The following FAIM2 variants were observed in gnomAD, a reference collection of about 807,000 sequenced individuals.
FAIM2 encodes protein lifeguard 2.
FAIM2 carries 27 observed loss-of-function variants against 47.4 expected under a neutral mutation model. The observed-to-expected ratio is 0.57, with a 90% confidence interval of 0.42 to 0.78. The LOEUF (loss-of-function observed/expected upper bound fraction) is 0.78, where lower values mean the gene tolerates loss of function less well. Ranked by LOEUF, FAIM2 falls within the 30% of genes least tolerant of loss-of-function variation. The pLI, the probability that FAIM2 is intolerant of heterozygous loss-of-function variation, is 0.00. For synonymous variants in FAIM2, 156 were observed against 159.3 expected, an observed-to-expected ratio of 0.98 and a Z score of 0.16; for missense variants, 311 against 389.4, an observed-to-expected ratio of 0.80 and a Z score of 1.69.
intron 11 of FAIM2, among the ~76,000 whole-genome samples, chr12:49,871,093 G>A (rs1946699427): frequency 6.6e-6 from 1 of 152,210 alleles, no homozygotes; most frequent in African/African-American, 2.4e-5. Flanking sequence ...CCTGCTCTCA[G>A]AGGAAGGCAA....
At position 49,878,444 on chromosome 12, in the gene FAIM2, CTGAG is replaced by C. The variant is rs1363002862; in HGVS notation, c.802-7795_802-7792del. On this transcript the variant is annotated intron_variant, in intron 11 of 11. Coordinates refer to ENST00000320634, the MANE Select transcript of FAIM2 (RefSeq NM_012306.4). ...TGTGTGTATATGTGCAAGTGTGTGT[CTGAG>C]TGAATGTGTATGCATGTATGTGTGT... Among the ~76,000 whole-genome samples the C allele has an allele frequency of 3.8e-5, 4 of 104,122 alleles. 1 individual carries two copies. The highest frequency in any genetic ancestry group is 2.2e-4 in the Admixed American group (2 of 8,922). 68.3% of individuals were successfully genotyped at this position (104,122 alleles called of 152,430 possible). A position where few individuals can be genotyped will look rare whatever the true frequency, so the allele number is the denominator to read the frequency against.
At chr12:49,879,661 T>C (rs1428817950) in intron 11 of FAIM2, among the ~76,000 whole-genome samples, 1 of 149,354 alleles carries the variant, frequency 6.7e-6, no homozygotes, top group Non-Finnish European at 1.5e-5. Flanking sequence ...TGAATGTGTA[T>C]ATGTGAGTGT....
At chr12:49,887,631 G>C (rs1878234) in intron 10 of FAIM2, among the ~76,000 whole-genome samples, 192 bp from the exon 11 acceptor site, 42,581 of 151,910 alleles carry the variant, frequency 0.28, 6,864 homozygotes, top group East Asian at 0.43. Flanking sequence ...CCCGGGATAA[G>C]AGCGATCCTG....
rs1946979811 is a variant in FAIM2, at chr12:49,901,235, G to T, written c.106C>A (p.Pro36Thr). The change falls in exon 2 of 12, where the codon CCC becomes ACC. Residue 36 changes from proline (P) to threonine (T), a missense_variant. Physicochemically the swap from Pro to Thr is conservative, Grantham distance 38. Transcript: ENST00000320634. ...CCAGAGGTGGCTTCCTCATAGGAGG[G>T]TGGGGCTGAGGGCACTGCTGGAGCC... is the stretch of plus-strand genomic sequence containing the variant. ...KEAPAVPSAPPSYEEATSGEG... is the reference protein window; with the variant it reads ...KEAPAVPSAPTSYEEATSGEG... 6.2e-7 allele frequency: 1 copy of T among 1,611,610 alleles called. No homozygotes were observed. The highest frequency in any genetic ancestry group is 1.7e-5 in the Admixed American group (1 of 59,810).
chr12:49,880,533 C>T (rs1446754175), intron 11 of FAIM2, among the ~76,000 whole-genome samples: 79 of 97,790 alleles, frequency 8.1e-4, no homozygotes, highest in African/African-American at 3.0e-3. Context: ...TGTATATGTG[C>T]GTGTGTATGT....
chr12:49,900,344 G>A (rs1946973978), intron 2 of FAIM2: 1 of 548,952 alleles, frequency 1.8e-6, no homozygotes, highest in Non-Finnish European at 2.7e-6. Flanking sequence ...GAGGGGGAGG[G>A]GCTGCTGAGG....
Position 49,900,166 on chromosome 12 carries a change from C to A in FAIM2, c.211+964G>T. ...CCACAAACACCAGACCTTCATTGACCCTCCAGTAGGTCACGGTGGGGTGAG... is the reference window on the plus strand; with the variant it reads ...CCACAAACACCAGACCTTCATTGACACTCCAGTAGGTCACGGTGGGGTGAG... On this transcript the variant is annotated intron_variant, in intron 2 of 11. Coordinates refer to ENST00000320634, the MANE Select transcript of FAIM2 (RefSeq NM_012306.4). 5 of 1,281,442 alleles carry A rather than the reference C, an allele frequency of 3.9e-6. No homozygotes were observed. The South Asian group carries it at 6.2e-5, about 16-fold the overall frequency. The allele number at this position is 1,281,442 out of a possible 1,614,324, so 79.4% of individuals were successfully genotyped here. A position where few individuals can be genotyped will look rare whatever the true frequency, so the allele number is the denominator to read the frequency against.
chr12:49,873,327 T>C (rs1408003003), intron 11 of FAIM2, among the ~76,000 whole-genome samples: 2 of 152,150 alleles, frequency 1.3e-5, no homozygotes, highest in Non-Finnish European at 1.5e-5. Context: ...TGACAGTGTA[T>C]GTGGCATCCA....
chr12:49,889,239 C>G lies in FAIM2; in HGVS notation c.652-37G>C, dbSNP rs996596105. On this transcript the variant is annotated intron_variant, in intron 9 of 11. Transcript: ENST00000320634. ...GGATGGGGTTAGCTGCAGGAGCGGC[C>G]TGACCTTCCTGGGGCCCCAACTACA... 5 of 1,529,676 alleles carry G rather than the reference C, an allele frequency of 3.3e-6. No homozygotes were observed. The Admixed American group carries it at 5.5e-5, about 17-fold the overall frequency. 94.8% of individuals were successfully genotyped at this position (1,529,676 alleles called of 1,614,324 possible).
chr12:49,878,853 TG>T lies in FAIM2; in HGVS notation c.802-8201del. Among the ~76,000 whole-genome samples the T allele has an allele frequency of 8.1e-5, 2 of 24,808 alleles. 1 individual carries two copies. Among genetic ancestry groups the T allele is most frequent in the Non-Finnish European group, 1.5e-4 (2 of 13,730 alleles). 16.3% of individuals were successfully genotyped at this position (24,808 alleles called of 152,430 possible). On this transcript the variant is annotated intron_variant, in intron 11 of 11. Coordinates refer to ENST00000320634, the MANE Select transcript of FAIM2 (RefSeq NM_012306.4). ...GAGTGTATGTGTGTGCATGTGTGTA[TG>T]TGTGTGTCTGTGCATGTGAGTGTGT...
intron 11 of FAIM2, among the ~76,000 whole-genome samples, chr12:49,876,646 C>T (rs1946738777): frequency 6.6e-6 from 1 of 151,892 alleles, no homozygotes; most frequent in Non-Finnish European, 1.5e-5. Context: ...GTGGTGCACG[C>T]CTGTAGTCCC....
intron 11 of FAIM2, among the ~76,000 whole-genome samples, chr12:49,882,630 T>C (rs1946834034): frequency 6.6e-6 from 1 of 151,842 alleles, no homozygotes; most frequent in African/African-American, 2.4e-5. Flanking sequence ...TAATTGGCAC[T>C]GCAGTTCCCC....
chr12:49,889,874 G>C (rs149247602), intron 8 of FAIM2, among the ~76,000 whole-genome samples: 1,562 of 152,254 alleles, frequency 0.01, 14 homozygotes, highest in Non-Finnish European at 0.016. Flanking sequence ...CTTGGGGCTT[G>C]TAAGCTACTG....
rs775403937 is a variant in FAIM2 at position 49,889,549 on chromosome 12, C to T, written c.583G>A (p.Val195Met). The T allele has an allele frequency of 5.0e-6, 8 of 1,614,042 alleles. No individual in the cohort carries two copies. Among genetic ancestry groups the T allele is most frequent in the East Asian group, 2.2e-5 (1 of 44,856 alleles). Residue 195 changes from valine (V) to methionine (M), a missense_variant, in exon 9 of 12, where the codon GTG becomes ATG. Transcript: ENST00000320634. ...GCCGTGATGCCCAGGCACAGCAGCACGGAGGTGGTGTTGTAGTAGCTGAGG... is the reference window on the plus strand; with the variant it reads ...GCCGTGATGCCCAGGCACAGCAGCATGGAGGTGGTGTTGTAGTAGCTGAGG... ...MLSSYYNTTS[V>M]LLCLGITALV...
chr12:49,880,488 A>G (rs149924668), intron 11 of FAIM2, among the ~76,000 whole-genome samples: 3 of 42,964 alleles, frequency 7.0e-5, no homozygotes, highest in South Asian at 8.6e-4. Context: ...ATGTGTATGC[A>G]TGTGTATGTG....
chr12:49,878,696 G>GGA, intron 11 of FAIM2, among the ~76,000 whole-genome samples: 1 of 118,816 alleles, frequency 8.4e-6, no homozygotes, highest in Non-Finnish European at 1.6e-5. Flanking sequence ...GTGAGTGTAT[G>GGA]TGCATGTGTG....
chr12:49,881,501 T>A (rs1946825279), intron 11 of FAIM2, among the ~76,000 whole-genome samples: 1 of 152,128 alleles, frequency 6.6e-6, no homozygotes, highest in Admixed American at 6.5e-5. Context: ...TGGGGCAACC[T>A]GCTCCAAGTT....
At position 49,869,666 on chromosome 12, in the gene FAIM2, A is replaced by T. The variant is rs1221607670; in HGVS notation, c.*838T>A. 3 of 151,864 alleles carry T rather than the reference A, an allele frequency of 2.0e-5. No homozygotes were observed. Among genetic ancestry groups the T allele is most frequent in the Admixed American group, 1.3e-4 (2 of 15,268 alleles). The allele number at this position is 151,864 out of a possible 1,614,324, so 9.4% of individuals were successfully genotyped here. A position where few individuals can be genotyped will look rare whatever the true frequency, so the allele number is the denominator to read the frequency against. ...CCTGTGGCAGCTGCCTGGCGGGTGG[A>T]GAAGTGAGTGAGAGGATGTGGGTCT... On this transcript the variant is annotated 3_prime_UTR_variant, in exon 12 of 12. Transcript: ENST00000320634.
rs1267654826 is a variant in FAIM2, at chr12:49,867,343, A to T, written c.*3161T>A. 1.3e-5 allele frequency: 2 copies of T among 152,362 alleles called. No homozygotes were observed. The highest frequency in any genetic ancestry group is 2.9e-5 in the Non-Finnish European group (2 of 68,162). 9.4% of individuals were successfully genotyped at this position (152,362 alleles called of 1,614,324 possible). On this transcript the variant is annotated 3_prime_UTR_variant, in exon 12 of 12. Transcript: ENST00000320634. ...AAAATCCCACCCCGCCCAGGAGAGC[A>T]GCCAGGACACCTGGGACTTGGCTTC...
Sources: gnomAD v4.1 joint callset for allele counts (sites outside exome capture counted in the v4.1 genomes callset) on GRCh38, gnomAD v4.1.1 for gene constraint, MANE v1.5 for transcripts, NCBI Gene and HGNC (gene_info 2026-07-23, HGNC 2026-07-21) for gene names.